The following FNDC3A variants were observed in gnomAD, a reference collection of about 807,000 sequenced individuals.
The protein encoded by FNDC3A is fibronectin type-III domain-containing protein 3A.
In FNDC3A, 32 loss-of-function variants were observed where a neutral mutation model predicts 148.9. The ratio of observed to expected loss-of-function variants is 0.21; its 90% confidence interval spans 0.16 to 0.29. The LOEUF is 0.29. Among genes scored for constraint, FNDC3A ranks in the 10% least tolerant of loss-of-function variants. The pLI is 1.00. For missense variants in FNDC3A, 1,191 were observed against 1,452.8 expected (o/e 0.82, Z 2.93); for synonymous variants, 472 against 473.6 (o/e 1.00, Z 0.04).
intron 1 of FNDC3A, among the ~76,000 whole-genome samples, chr13:48,981,906 A>G (rs1951699775): frequency 1.3e-5 from 2 of 152,102 alleles, no homozygotes; most frequent in African/African-American, 4.8e-5. Context: ...ACTTTTAAAA[A>G]CTTAAATGAT....
At chr13:49,152,379 T>A (rs941474329) in intron 8 of FNDC3A, among the ~76,000 whole-genome samples, 1 of 152,274 alleles carries the variant, frequency 6.6e-6, no homozygotes, top group Non-Finnish European at 1.5e-5. Context: ...TGTCTTCTTT[T>A]GAGAAATGTC....
chr13:49,018,059 T>G (rs896543618), intron 2 of FNDC3A, among the ~76,000 whole-genome samples: 6 of 151,944 alleles, frequency 3.9e-5, no homozygotes, highest in African/African-American at 1.5e-4. Flanking sequence ...TCAACTTTGG[T>G]GAATCTGACA....
At chr13:49,187,738 G>C in intron 16 of FNDC3A, 1 of 1,054,224 alleles carries the variant, frequency 9.5e-7, no homozygotes, top group Non-Finnish European at 1.4e-6. Flanking sequence ...ACCTCACCAA[G>C]ACCTTTTTTT....
At chr13:49,042,391 C>T (rs1468718338) in intron 2 of FNDC3A, among the ~76,000 whole-genome samples, 4 of 152,074 alleles carry the variant, frequency 2.6e-5, no homozygotes, top group Non-Finnish European at 4.4e-5. Flanking sequence ...TCTTTATTTT[C>T]TGATTCGCTA....
chr13:49,089,655 C>T (rs151263821), intron 3 of FNDC3A, among the ~76,000 whole-genome samples: 97 of 152,276 alleles, frequency 6.4e-4, no homozygotes, highest in African/African-American at 2.0e-3. Context: ...GGACCTCAGT[C>T]CTGCAATCAC....
chr13:49,202,853 T>C (rs1886482908), intron 24 of FNDC3A, among the ~76,000 whole-genome samples: 1 of 152,154 alleles, frequency 6.6e-6, no homozygotes, highest in African/African-American at 2.4e-5. Context: ...AAAGAAATTT[T>C]GAATCAGCTG....
At chr13:49,196,411 T>C (rs1886154673) in intron 19 of FNDC3A, among the ~76,000 whole-genome samples, 1 of 152,194 alleles carries the variant, frequency 6.6e-6, no homozygotes, top group Non-Finnish European at 1.5e-5. Flanking sequence ...AAAAATCAAA[T>C]TCTGTTACAA....
intron 8 of FNDC3A, among the ~76,000 whole-genome samples, chr13:49,163,136 G>A (rs113985805): frequency 7.1e-4 from 108 of 152,254 alleles, no homozygotes; most frequent in South Asian, 2.3e-3. Context: ...CTCAAACTCC[G>A]TGCTGGGAGA....
chr13:49,006,065 G>A, intron 1 of FNDC3A, 87 bp from the exon 2 acceptor site: 1 of 493,496 alleles, frequency 2.0e-6, no homozygotes, highest in Non-Finnish European at 3.6e-6. Context: ...ATCTCTTTAG[G>A]TTAAAGAATG....
intron 19 of FNDC3A, among the ~76,000 whole-genome samples, chr13:49,194,489 CA>C (rs1886051487): frequency 6.6e-6 from 1 of 152,152 alleles, no homozygotes; most frequent in Non-Finnish European, 1.5e-5. Context: ...GGGTGGTATT[CA>C]TGTGAGAGTA....
intron 2 of FNDC3A, among the ~76,000 whole-genome samples, chr13:49,041,443 A>G (rs1361632239): frequency 6.6e-6 from 1 of 152,172 alleles, no homozygotes; most frequent in African/African-American, 2.4e-5. Context: ...TGATTGTTGA[A>G]TGAATTAATC....
rs752465260 is a variant in FNDC3A at position 49,196,939 on chromosome 13, G to C, written c.2289G>C (p.Lys763Asn). 1 of 1,612,690 alleles carries C rather than the reference G, an allele frequency of 6.2e-7. No homozygotes were observed. Among genetic ancestry groups the C allele is most frequent in the African/African-American group, 1.3e-5 (1 of 75,004 alleles). Residue 763 changes from lysine to asparagine, a missense_variant, in exon 20 of 26, where the codon AAG becomes AAC. By Grantham distance (94) the Lys-to-Asn change is moderately conservative (BLOSUM62 0). Around this residue, in one of 3 missense-constraint regions of FNDC3A, gnomAD observed 751 missense variants for 944.0 expected, o/e 0.80. Transcript: ENST00000492622. Reference protein sequence around the residue: ...TTAPGPPDQCKPPQVTCRSAT... With the variant: ...TTAPGPPDQCNPPQVTCRSAT... ...CCCCTGGGCCACCAGATCAGTGCAA[G>C]CCCCCTCAAGTGACATGTAGATCTG...
intron 1 of FNDC3A, among the ~76,000 whole-genome samples, chr13:49,000,206 A>G (rs1207358290): frequency 6.6e-6 from 1 of 152,190 alleles, no homozygotes; most frequent in African/African-American, 2.4e-5. Flanking sequence ...TAGAAGTTCT[A>G]CAGTTTGGTT....
chr13:49,015,048 G>C (rs535947439), intron 2 of FNDC3A, among the ~76,000 whole-genome samples: 1 of 152,194 alleles, frequency 6.6e-6, no homozygotes, highest in Admixed American at 6.5e-5. Flanking sequence ...CTCCAGCTTT[G>C]TTCTTTTGGC....
chr13:49,055,244 C>T (rs1876143424), intron 2 of FNDC3A, among the ~76,000 whole-genome samples: 1 of 152,040 alleles, frequency 6.6e-6, no homozygotes, highest in Non-Finnish European at 1.5e-5. Context: ...GCTGGGAATA[C>T]AAGCATGCAC....
At chr13:48,988,824 G>A (rs1280791508) in intron 1 of FNDC3A, among the ~76,000 whole-genome samples, 1 of 150,172 alleles carries the variant, frequency 6.7e-6, no homozygotes, top group African/African-American at 2.5e-5. Flanking sequence ...CAGCCTGGGT[G>A]AGAGAGTGAG....
At chr13:49,059,078 G>T (rs749754973) in intron 2 of FNDC3A, among the ~76,000 whole-genome samples, 1 of 152,204 alleles carries the variant, frequency 6.6e-6, no homozygotes, top group Non-Finnish European at 1.5e-5. Context: ...TTAGATACAT[G>T]TTAGGATACA....
chr13:49,132,459 G>A (rs1045665324), intron 5 of FNDC3A, among the ~76,000 whole-genome samples: 1 of 152,164 alleles, frequency 6.6e-6, no homozygotes, highest in African/African-American at 2.4e-5. Context: ...ACTCTGCACT[G>A]TAGGATGTTT....
intron 8 of FNDC3A, among the ~76,000 whole-genome samples, chr13:49,155,443 T>A (rs1481447658): frequency 1.6e-3 from 234 of 149,710 alleles, no homozygotes; most frequent in African/African-American, 5.1e-3. Context: ...GCGGTCTATC[T>A]ATTTTGTTGA....
Sources: allele counts gnomAD v4.1 joint callset (sites outside exome capture counted in the v4.1 genomes callset), GRCh38; gene constraint gnomAD v4.1.1; regional missense constraint gnomAD v4.1.1; transcripts MANE v1.5; gene names NCBI Gene and HGNC (gene_info 2026-07-23, HGNC 2026-07-21).